TGFBR3: variants seen among roughly 807,000 people sequenced by gnomAD.
TGFBR3 encodes the protein transforming growth factor beta receptor 3, also known as transforming growth factor beta receptor type 3.
Under a neutral mutation model 87.9 loss-of-function variants are expected in TGFBR3, and 46 were observed. The ratio of observed to expected loss-of-function variants is 0.52; its 90% confidence interval spans 0.41 to 0.67. TGFBR3 has a LOEUF of 0.67. Among genes scored for constraint, TGFBR3 ranks in the 30% least tolerant of loss-of-function variants. TGFBR3 has a pLI of 0.00. For missense variants in TGFBR3, 866 were observed against 1,041.9 expected (o/e 0.83, Z 2.32); for synonymous variants, 381 against 391.6 (o/e 0.97, Z 0.32).
intron 1 of TGFBR3, 168 bp from the exon 2 acceptor site, chr1:91,861,812 G>C: frequency 2.8e-6 from 1 of 357,626 alleles, no homozygotes. Context: ...ATCTAATAAA[G>C]ATTTTTATAG....
At chr1:91,846,826 A>G (rs1223979267) in intron 2 of TGFBR3, among the ~76,000 whole-genome samples, 1 of 152,118 alleles carries the variant, frequency 6.6e-6, no homozygotes, top group African/African-American at 2.4e-5. Context: ...CACGTGGGAA[A>G]TCTATTTTTT....
At chr1:91,724,845 C>A (rs1003773015) in intron 7 of TGFBR3, among the ~76,000 whole-genome samples, 1 of 152,154 alleles carries the variant, frequency 6.6e-6, no homozygotes, top group South Asian at 2.1e-4. Context: ...CACACTCCCC[C>A]ATATTTACAT....
chr1:91,810,430 T>G (rs933942797), intron 2 of TGFBR3, among the ~76,000 whole-genome samples: 1 of 152,228 alleles, frequency 6.6e-6, no homozygotes, highest in Non-Finnish European at 1.5e-5. Context: ...GTTACTCCTT[T>G]ATAGCAAATA....
At chr1:91,899,939 C>G (rs912789684) in intron 1 of TGFBR3, among the ~76,000 whole-genome samples, 5 of 152,004 alleles carry the variant, frequency 3.3e-5, no homozygotes, top group Non-Finnish European at 7.3e-5. Flanking sequence ...CCAGCCTGGG[C>G]AGCATAGTGA....
At chr1:91,685,691 A>ATG (rs1234662412) in intron 16 of TGFBR3, among the ~76,000 whole-genome samples, 1 of 152,074 alleles carries the variant, frequency 6.6e-6, no homozygotes, top group Admixed American at 6.5e-5. Context: ...TCTACTCTTC[A>ATG]TGTGTGTGTA....
intron 1 of TGFBR3, among the ~76,000 whole-genome samples, chr1:91,884,087 C>T (rs1679198851): frequency 6.6e-6 from 1 of 151,986 alleles, no homozygotes; most frequent in South Asian, 2.1e-4. Flanking sequence ...TTTGGGAGGC[C>T]GAGGCAGGTG....
intron 2 of TGFBR3, among the ~76,000 whole-genome samples, chr1:91,891,497 C>CAAAAA (rs1679446466): frequency 7.6e-6 from 1 of 131,236 alleles, no homozygotes. Context: ...AGATCTGTCT[C>CAAAAA]AAAGAAAAAA....
At chr1:91,892,666 T>G (rs1679473723) in intron 2 of TGFBR3, among the ~76,000 whole-genome samples, 1 of 152,202 alleles carries the variant, frequency 6.6e-6, no homozygotes, top group Non-Finnish European at 1.5e-5. Context: ...CAGAAATTAG[T>G]GAGGGCACCA....
chr1:91,692,005 A>G (rs1369295386), intron 16 of TGFBR3, among the ~76,000 whole-genome samples: 1 of 151,810 alleles, frequency 6.6e-6, no homozygotes, highest in Admixed American at 6.5e-5. Context: ...CTCAAAACAA[A>G]AAAAAGAAAA....
Position 91,804,376 on chromosome 1 carries a change from G to A in TGFBR3, c.62-6905C>T, listed in dbSNP as rs138292179. 2.8e-4 allele frequency among the ~76,000 whole-genome samples: 42 copies of A among 152,198 alleles called. 1 individual carries two copies. The East Asian group carries it at 3.9e-3, about 14-fold the overall frequency. On this transcript the variant is annotated intron_variant, in intron 2 of 16. Coordinates refer to ENST00000212355, the MANE Select transcript of TGFBR3 (RefSeq NM_003243.5). ...TGGCAGGACAATCCTCTATCTCTCCGTTGGCACACCACAGCCCCAGCCTCA... is the reference window on the plus strand; with the variant it reads ...TGGCAGGACAATCCTCTATCTCTCCATTGGCACACCACAGCCCCAGCCTCA...
chr1:91,857,973 C>A lies in TGFBR3; in HGVS notation c.61+3498G>T, dbSNP rs756183277. 5.9e-5 allele frequency among the ~76,000 whole-genome samples: 9 copies of A among 152,244 alleles called. No individual in the cohort carries two copies. In the East Asian group the frequency reaches 1.4e-3, roughly 23 times the overall value. ...CCTTCAAATCAATATAGTAGAGAGG[C>A]CTAAAGGCTCAATCTCCAGACCTGG... On this transcript the variant is annotated intron_variant, in intron 2 of 16. Coordinates refer to ENST00000212355, the MANE Select transcript of TGFBR3 (RefSeq NM_003243.5).
At chr1:91,684,500 C>T (rs12078665) in intron 16 of TGFBR3, among the ~76,000 whole-genome samples, 17 of 152,178 alleles carry the variant, frequency 1.1e-4, no homozygotes, top group African/African-American at 3.9e-4. Context: ...CAGTTGCCAG[C>T]GAATGGCCTC....
At chr1:91,768,282 T>C (rs1674252670) in intron 3 of TGFBR3, among the ~76,000 whole-genome samples, 1 of 152,100 alleles carries the variant, frequency 6.6e-6, no homozygotes, top group Non-Finnish European at 1.5e-5. Context: ...TTGACCCATC[T>C]CTTACAGCAT....
At chr1:91,812,094 C>T (rs1388759980) in intron 2 of TGFBR3, among the ~76,000 whole-genome samples, 1 of 152,188 alleles carries the variant, frequency 6.6e-6, no homozygotes, top group Non-Finnish European at 1.5e-5. Flanking sequence ...AGCTCTAATA[C>T]TTGCAAATGG....
rs75093418 is a variant in TGFBR3 at position 91,769,390 on chromosome 1, G to A, written c.247-10640C>T. Among the ~76,000 whole-genome samples the A allele has an allele frequency of 9.8e-3, 1,486 of 152,072 alleles. 28 individuals carry two copies. The highest frequency in any genetic ancestry group is 0.034 in the African/African-American group (1,404 of 41,468). ...TCAAGCTGCTGGCATCCTTGGACTC[G>A]GCCCACATTCTCCTCCTAAACCAAC... is the stretch of plus-strand genomic sequence containing the variant. On this transcript the variant is annotated intron_variant, in intron 3 of 16. Coordinates refer to ENST00000212355, the MANE Select transcript of TGFBR3 (RefSeq NM_003243.5).
intron 14 of TGFBR3, among the ~76,000 whole-genome samples, chr1:91,699,431 C>CTTTTTTTTGTTTTT (rs1671545952): frequency 1.2e-5 from 1 of 80,846 alleles, no homozygotes; most frequent in African/African-American, 5.1e-5. Context: ...CTTTCTTTTG[C>CTTTTTTTTGTTTTT]TTTTTTTTTT....
chr1:91,886,402 G>A, upstream of TGFBR3: 5 of 336,832 alleles, frequency 1.5e-5, no homozygotes, highest in South Asian at 1.1e-4. Flanking sequence ...TTCGGGACGA[G>A]GAGGCCGAGA....
chr1:91,739,504 C>T (rs983924865), intron 4 of TGFBR3, among the ~76,000 whole-genome samples: 1 of 152,190 alleles, frequency 6.6e-6, no homozygotes, highest in South Asian at 2.1e-4. Context: ...ACACCTTCTG[C>T]ACTTTCATCT....
intron 2 of TGFBR3, among the ~76,000 whole-genome samples, chr1:91,800,187 T>A (rs577616112): frequency 2.2e-5 from 3 of 133,652 alleles, no homozygotes; most frequent in African/African-American, 5.9e-5. Flanking sequence ...AGCCCAGGAG[T>A]ACAAAAGCAA....
Sources: gnomAD v4.1 joint callset for allele counts (sites outside exome capture counted in the v4.1 genomes callset) on GRCh38, gnomAD v4.1.1 for gene constraint, MANE v1.5 for transcripts, NCBI Gene and HGNC (gene_info 2026-07-23, HGNC 2026-07-21) for gene names.